Variants in ANKRD6 observed in about 807,000 individuals in gnomAD.
The protein encoded by ANKRD6 is ankyrin repeat domain-containing protein 6.
A neutral mutation model predicts 82.3 loss-of-function variants in ANKRD6; 56 were observed. That is an observed-to-expected ratio of 0.68 (90% CI 0.55 to 0.85). The LOEUF is 0.85. ANKRD6 is among the 40% of genes least tolerant of loss of function. The pLI, the probability that ANKRD6 is intolerant of heterozygous loss-of-function variation, is 0.00. For missense variants in ANKRD6, 852 were observed against 907.6 expected, an observed-to-expected ratio of 0.94 and a Z score of 0.79; for synonymous variants, 347 against 352.1, an observed-to-expected ratio of 0.99 and a Z score of 0.16.
At chr6:89,440,020 G>T (rs1037204949) in intron 1 of ANKRD6, among the ~76,000 whole-genome samples, 2 of 152,084 alleles carry the variant, frequency 1.3e-5, no homozygotes, top group African/African-American at 2.4e-5. Context: ...TTAAAATAAA[G>T]TTTCCTGTTT....
At chr6:89,558,364 A>G (rs1240765229) in intron 1 of ANKRD6, among the ~76,000 whole-genome samples, 1 of 152,210 alleles carries the variant, frequency 6.6e-6, no homozygotes, top group East Asian at 1.9e-4. Context: ...GTACAATGGA[A>G]TATTATGGTA....
chr6:89,508,107 T>C (rs1345294919), intron 1 of ANKRD6, among the ~76,000 whole-genome samples: 1 of 152,252 alleles, frequency 6.6e-6, no homozygotes, highest in African/African-American at 2.4e-5. Context: ...TATTTATTGC[T>C]GTATAACAAA....
rs752690479 is a variant in ANKRD6, at chr6:89,624,076, CAGG to C, written c.1218+22_1218+24del. ...GATGCAGGTACCTGCAAAGCAGTGTCAGGAGAAGGGAACATAGGCCTTCAGCAA... is the reference window on the plus strand; with the variant it reads ...GATGCAGGTACCTGCAAAGCAGTGTCAGAAGGGAACATAGGCCTTCAGCAA... On this transcript the variant is annotated intron_variant, in intron 12 of 15. Coordinates refer to ENST00000339746, the MANE Select transcript of ANKRD6 (RefSeq NM_001242809.2). 4 of 1,596,602 alleles carry C rather than the reference CAGG, an allele frequency of 2.5e-6. No individual in the cohort carries two copies. Among genetic ancestry groups the C allele is most frequent in the Admixed American group, 1.8e-5 (1 of 57,128 alleles).
chr6:89,599,665 G>A (rs573559789), intron 3 of ANKRD6, among the ~76,000 whole-genome samples: 2 of 151,592 alleles, frequency 1.3e-5, no homozygotes, highest in South Asian at 2.1e-4. Context: ...TGTTTGTGTT[G>A]TATTCTAGGG....
intron 1 of ANKRD6, among the ~76,000 whole-genome samples, chr6:89,465,829 C>A (rs1180497800): frequency 6.6e-6 from 1 of 151,952 alleles, no homozygotes; most frequent in Non-Finnish European, 1.5e-5. Context: ...TACCAGTGTG[C>A]TCTAGCTTGG....
At chr6:89,540,314 A>G (rs1784315985) in intron 1 of ANKRD6, among the ~76,000 whole-genome samples, 2 of 152,142 alleles carry the variant, frequency 1.3e-5, no homozygotes, top group African/African-American at 4.8e-5. Context: ...TGTCTTTTGG[A>G]TATTAAGCCA....
intron 1 of ANKRD6, among the ~76,000 whole-genome samples, chr6:89,512,444 T>C (rs1780661784): frequency 6.6e-6 from 1 of 152,128 alleles, no homozygotes; most frequent in African/African-American, 2.4e-5. Flanking sequence ...AGCCACCTCT[T>C]GGTTTTGGTC....
chr6:89,469,653 A>G (rs1458887971), intron 1 of ANKRD6, among the ~76,000 whole-genome samples: 1 of 152,168 alleles, frequency 6.6e-6, no homozygotes, highest in African/African-American at 2.4e-5. Context: ...GTCCTCTGGC[A>G]TTCCTTTCCA....
chr6:89,547,713 T>G (rs1465641776), intron 1 of ANKRD6, among the ~76,000 whole-genome samples: 2 of 152,168 alleles, frequency 1.3e-5, no homozygotes, highest in African/African-American at 4.8e-5. Flanking sequence ...TATAGAAAAT[T>G]GTATCCTTTA....
chr6:89,478,862 G>A (rs1019192318), intron 1 of ANKRD6, among the ~76,000 whole-genome samples: 3 of 151,830 alleles, frequency 2.0e-5, no homozygotes, highest in Non-Finnish European at 2.9e-5. Flanking sequence ...TAGAGAAGAT[G>A]GCCATTTACA....
intron 1 of ANKRD6, among the ~76,000 whole-genome samples, chr6:89,528,606 C>T (rs1266152679): frequency 6.6e-6 from 1 of 152,216 alleles, no homozygotes; most frequent in African/African-American, 2.4e-5. Context: ...TCCTGTGAAT[C>T]ACGAATGTTC....
At chr6:89,498,401 C>T (rs6940797) in intron 1 of ANKRD6, among the ~76,000 whole-genome samples, 2 of 151,862 alleles carry the variant, frequency 1.3e-5, no homozygotes, top group East Asian at 1.9e-4. Context: ...AAGGCACTAC[C>T]TATGACAATC....
intron 1 of ANKRD6, among the ~76,000 whole-genome samples, chr6:89,529,106 G>A (rs1361295521): frequency 6.6e-6 from 1 of 152,178 alleles, no homozygotes; most frequent in Non-Finnish European, 1.5e-5. Context: ...CCTGTCCTTT[G>A]AAGCTTTGAA....
chr6:89,565,831 T>C (rs1788394394), intron 1 of ANKRD6, among the ~76,000 whole-genome samples: 1 of 152,248 alleles, frequency 6.6e-6, no homozygotes, highest in Non-Finnish European at 1.5e-5. Context: ...TTTTAATAAG[T>C]ATCTTTTAAA....
At chr6:89,612,870 A>G (rs1800569547) in intron 6 of ANKRD6, among the ~76,000 whole-genome samples, 1 of 152,228 alleles carries the variant, frequency 6.6e-6, no homozygotes, top group African/African-American at 2.4e-5. Flanking sequence ...TTCACAAAGA[A>G]GCTGTATTTC....
chr6:89,433,824 G>C lies in ANKRD6; in HGVS notation c.-144+449G>C, dbSNP rs1003923736. 6.6e-6 allele frequency among the ~76,000 whole-genome samples: 1 copy of C among 152,360 alleles called. No individual in the cohort carries two copies. The highest frequency in any genetic ancestry group is 2.4e-5 in the African/African-American group (1 of 41,596). On this transcript the variant is annotated intron_variant, in intron 1 of 15. Coordinates refer to ENST00000339746, the MANE Select transcript of ANKRD6 (RefSeq NM_001242809.2). The surrounding 1 kb of genome is among the most constrained non-coding windows in gnomAD (Gnocchi z 4.3). ...CTCCCCGCCCTGGACGACAGCACTA[G>C]GGTGCAGTCGCAGGAGAGGGGCCGA...
intron 1 of ANKRD6, among the ~76,000 whole-genome samples, chr6:89,523,408 A>G (rs764346957): frequency 1.4e-4 from 22 of 152,194 alleles, no homozygotes; most frequent in Non-Finnish European, 2.8e-4. Context: ...TTATTGGTCT[A>G]GTTTATAGTT....
chr6:89,604,421 T>A (rs1253573154), intron 4 of ANKRD6, among the ~76,000 whole-genome samples: 1 of 150,624 alleles, frequency 6.6e-6, no homozygotes, highest in African/African-American at 2.4e-5. Flanking sequence ...CAAACAATCT[T>A]AAAACACAAA....
chr6:89,533,994 G>A lies in ANKRD6; in HGVS notation c.-143-32840G>A, dbSNP rs183127148. On this transcript the variant is annotated intron_variant, in intron 1 of 15. Coordinates refer to ENST00000339746, the MANE Select transcript of ANKRD6 (RefSeq NM_001242809.2). Reference sequence around the variant, plus strand: ...TCTTCCCAAGGTGACTTGAGAATACGTCTACACACACAGAATATTGGGATA... The same window carrying A: ...TCTTCCCAAGGTGACTTGAGAATACATCTACACACACAGAATATTGGGATA... 2.2e-4 allele frequency among the ~76,000 whole-genome samples: 33 copies of A among 152,210 alleles called. No homozygotes were observed. The East Asian group carries it at 4.4e-3, about 20-fold the overall frequency.
Sources: allele counts gnomAD v4.1 joint callset (sites outside exome capture counted in the v4.1 genomes callset), GRCh38; gene constraint gnomAD v4.1.1; non-coding constraint Gnocchi (gnomAD v3.1); transcripts MANE v1.5; gene names NCBI Gene and HGNC (gene_info 2026-07-23, HGNC 2026-07-21).